The following PARP8 variants were observed in gnomAD, a reference collection of about 807,000 sequenced individuals.
PARP8 encodes poly(ADP-ribose) polymerase family member 8.
Under a neutral mutation model 124.1 loss-of-function variants are expected in PARP8, and 51 were observed. That is an observed-to-expected ratio of 0.41 (90% CI 0.33 to 0.52). The LOEUF (loss-of-function observed/expected upper bound fraction) is 0.52. Among genes scored for constraint, PARP8 ranks in the 20% least tolerant of loss-of-function variants. The pLI is 0.21. For missense variants in PARP8, 860 were observed against 1,018.9 expected, an observed-to-expected ratio of 0.84 and a Z score of 2.12; for synonymous variants, 391 against 361.5, an observed-to-expected ratio of 1.08 and a Z score of -0.93.
Position 50,759,622 on chromosome 5 carries a change from CTTTTTTTT to C in PARP8, c.185-12_185-5del. 1 of 1,326,272 alleles carries C rather than the reference CTTTTTTTT, an allele frequency of 7.5e-7. No homozygotes were observed. The allele number at this position is 1,326,272 out of a possible 1,614,324, so 82.2% of individuals were successfully genotyped here. A position where few individuals can be genotyped will look rare whatever the true frequency, so the allele number is the denominator to read the frequency against. ...TTTTTAAACTTATGCCTTTCATTAT[CTTTTTTTT>C]TTTTTTTTGCAGATAATACATATGT... On this transcript the variant is annotated splice_polypyrimidine_tract_variant and intron_variant, in intron 3 of 25. Transcript: ENST00000281631.
At chr5:50,688,679 T>C (rs1412049786) in intron 2 of PARP8, among the ~76,000 whole-genome samples, 2 of 152,220 alleles carry the variant, frequency 1.3e-5, no homozygotes, top group East Asian at 3.8e-4. Context: ...GAAGTAATTA[T>C]GAAAGTTCTC....
chr5:50,840,524 T>C (rs1748066150), intron 25 of PARP8, among the ~76,000 whole-genome samples: 1 of 151,812 alleles, frequency 6.6e-6, no homozygotes, highest in Non-Finnish European at 1.5e-5. Context: ...AAATAAGGGC[T>C]TTGAATATAC....
rs536109462 is a variant in PARP8, at chr5:50,749,325, G to A, written c.147-826G>A. On this transcript the variant is annotated intron_variant, in intron 2 of 25. Transcript: ENST00000281631. Reference sequence around the variant, plus strand: ...TTCTGTGGCAGGTGGCAGCTTCACTGATGCAGTCAGATAGCTAATGTTAAA... The same window carrying A: ...TTCTGTGGCAGGTGGCAGCTTCACTAATGCAGTCAGATAGCTAATGTTAAA... Among the ~76,000 whole-genome samples, 9 of 152,214 alleles carry A rather than the reference G, an allele frequency of 5.9e-5. No homozygotes were observed. The East Asian group carries it at 1.7e-3, about 29-fold the overall frequency.
chr5:50,776,149 C>A (rs1319257079), intron 7 of PARP8, among the ~76,000 whole-genome samples: 1 of 152,144 alleles, frequency 6.6e-6, no homozygotes, highest in Non-Finnish European at 1.5e-5. Flanking sequence ...AAGATCATAA[C>A]ATTTTCTTCA....
intron 1 of PARP8, 96 bp from the exon 2 acceptor site, chr5:50,667,975 C>T: frequency 6.2e-7 from 1 of 1,603,170 alleles, no homozygotes; most frequent in East Asian, 2.2e-5. Flanking sequence ...CCCGGCCAGG[C>T]CTCCCCTGAC....
At chr5:50,666,402 G>A (rs1178557730), upstream of PARP8, 1 of 152,114 alleles carries the variant, frequency 6.6e-6, no homozygotes, top group Non-Finnish European at 1.5e-5. Flanking sequence ...GGGGCGCGGA[G>A]AGGGAAGGCT....
chr5:50,706,930 T>G (rs1052050387), intron 2 of PARP8, among the ~76,000 whole-genome samples: 2 of 152,058 alleles, frequency 1.3e-5, no homozygotes, highest in Non-Finnish European at 2.9e-5. Flanking sequence ...CAGTGATTGA[T>G]TTCTGTAATT....
At chr5:50,768,992 C>T (rs1044891376) in intron 7 of PARP8, among the ~76,000 whole-genome samples, 2 of 152,156 alleles carry the variant, frequency 1.3e-5, no homozygotes, top group Non-Finnish European at 2.9e-5. Flanking sequence ...TAATTGCAAA[C>T]CTTTAGGCCT....
chr5:50,670,248 A>C (rs1350779320), intron 2 of PARP8, among the ~76,000 whole-genome samples: 4 of 152,192 alleles, frequency 2.6e-5, no homozygotes, highest in Non-Finnish European at 5.9e-5. Flanking sequence ...GGTGAACTAG[A>C]CTTTATTGAA....
chr5:50,798,961 C>A (rs1742881331), intron 14 of PARP8, among the ~76,000 whole-genome samples: 1 of 152,040 alleles, frequency 6.6e-6, no homozygotes, highest in Non-Finnish European at 1.5e-5. Context: ...TTTATGTATT[C>A]TGAATACTTT....
chr5:50,667,334 C>G, intron 1 of PARP8, 148 bp downstream of exon 1: 1 of 850,576 alleles, frequency 1.2e-6, no homozygotes, highest in Admixed American at 2.0e-5. Flanking sequence ...AGCGCGGGAG[C>G]CAAAAGGGGG....
chr5:50,778,045 A>C (rs375021903), intron 7 of PARP8, 24 bp from the exon 8 acceptor site: 92 of 1,573,006 alleles, frequency 5.8e-5, no homozygotes, highest in Non-Finnish European at 6.8e-5. Context: ...AAATGAAAAA[A>C]ACAGTGTTAA....
rs1347433096 is a variant in PARP8, at chr5:50,843,338, C to T, written c.*1270C>T. ...TAGTGAGTCTGCCACTCTATTCAAA[C>T]CCTGAATCAAGGCTCTATCTGATTT... On this transcript the variant is annotated 3_prime_UTR_variant, in exon 26 of 26. Transcript: ENST00000281631. 6.6e-6 allele frequency: 1 copy of T among 151,530 alleles called. No homozygotes were observed. Among genetic ancestry groups the T allele is most frequent in the African/African-American group, 2.4e-5 (1 of 41,270 alleles). 9.4% of individuals were successfully genotyped at this position (151,530 alleles called of 1,614,324 possible). A position where few individuals can be genotyped will look rare whatever the true frequency, so the allele number is the denominator to read the frequency against.
intron 2 of PARP8, among the ~76,000 whole-genome samples, chr5:50,733,229 A>G (rs1235768046): frequency 1.3e-5 from 2 of 151,640 alleles, no homozygotes; most frequent in Non-Finnish European, 1.5e-5. Flanking sequence ...GGGAGGTGGT[A>G]GTTGCAGTGA....
chr5:50,827,967 A>G lies in PARP8; in HGVS notation c.2001A>G (p.Pro667=), dbSNP rs1408618809. The change falls in exon 20 of 26, where the codon CCA becomes CCG. Residue 667 remains proline, a synonymous_variant. Coordinates refer to ENST00000281631, the MANE Select transcript of PARP8 (RefSeq NM_024615.4). The stretch of plus-strand genomic sequence containing the variant: ...AGCAATTGAAGTTTATGCATACTCC[A>G]CATCAGTTCCTTCTTCTCAGCAGTC... ...VNRQLKFMHT[P]HQFLLLSSPP... 4 of 1,613,226 alleles carry G rather than the reference A, an allele frequency of 2.5e-6. No individual in the cohort carries two copies. Among genetic ancestry groups the G allele is most frequent in the Non-Finnish European group, 2.5e-6 (3 of 1,179,374 alleles).
At chr5:50,687,344 C>G (rs1333118961) in intron 2 of PARP8, among the ~76,000 whole-genome samples, 1 of 152,194 alleles carries the variant, frequency 6.6e-6, no homozygotes, top group Non-Finnish European at 1.5e-5. Context: ...ACCACCTTAG[C>G]CTGGACTTTA....
intron 15 of PARP8, among the ~76,000 whole-genome samples, chr5:50,819,017 C>T (rs1442209106): frequency 6.6e-6 from 1 of 152,140 alleles, no homozygotes. Flanking sequence ...AGCCCCTTTC[C>T]ACTGATGATC....
At chr5:50,678,608 T>G (rs544242582) in intron 2 of PARP8, among the ~76,000 whole-genome samples, 1 of 152,274 alleles carries the variant, frequency 6.6e-6, no homozygotes, top group South Asian at 2.1e-4. Context: ...TTGCGATAAA[T>G]CACGCTTGTT....
At chr5:50,794,028 A>C (rs967503404) in intron 10 of PARP8, among the ~76,000 whole-genome samples, 179 bp from the exon 11 acceptor site, 1 of 152,176 alleles carries the variant, frequency 6.6e-6, no homozygotes, top group Non-Finnish European at 1.5e-5. Flanking sequence ...AAGCTCTGCT[A>C]ATTTGCTATA....
Sources: gnomAD v4.1 joint callset for allele counts (sites outside exome capture counted in the v4.1 genomes callset) on GRCh38, gnomAD v4.1.1 for gene constraint, MANE v1.5 for transcripts, NCBI Gene and HGNC (gene_info 2026-07-23, HGNC 2026-07-21) for gene names.